Variants in SEL1L2 observed in about 807,000 individuals in gnomAD.
The protein encoded by SEL1L2 is SEL1L2 adaptor subunit of SYVN1 ubiquitin ligase.
A neutral mutation model predicts 98.8 loss-of-function variants in SEL1L2; 89 were observed. The ratio of observed to expected loss-of-function variants is 0.90; its 90% CI spans 0.76 to 1.07. The LOEUF is 1.07. Among genes scored for constraint, SEL1L2 ranks in the 50% least tolerant of loss-of-function variants. SEL1L2 has a pLI of 0.00. For missense variants in SEL1L2, 788 were observed against 812.0 expected (o/e 0.97, Z 0.36); for synonymous variants, 262 against 278.5 (o/e 0.94, Z 0.59).
chr20:13,917,786 C>CTTTTTTTT lies in SEL1L2; in HGVS notation c.386+1227_386+1234dup, dbSNP rs5840588. Reference sequence around the variant, plus strand: ...CCATACTTTCTTTATTTCTTTCTTTCTTTTTTTTTTTTTTTTTTTTTTTTT... The same window carrying CTTTTTTTT: ...CCATACTTTCTTTATTTCTTTCTTTCTTTTTTTTTTTTTTTTTTTTTTTTTTTTTTTTT... On this transcript the variant is annotated intron_variant, in intron 4 of 19. Coordinates refer to ENST00000284951, the MANE Select transcript of SEL1L2 (RefSeq NM_025229.2). Among the ~76,000 whole-genome samples the CTTTTTTTT allele has an allele frequency of 6.9e-3, 344 of 50,116 alleles. 12 individuals are homozygous for CTTTTTTTT. The highest frequency in any genetic ancestry group is 0.042 in the Middle Eastern group (2 of 48). The allele number at this position is 50,116 out of a possible 152,430, so 32.9% of individuals were successfully genotyped here.
At chr20:13,945,148 T>G (rs1464955220) in intron 2 of SEL1L2, among the ~76,000 whole-genome samples, 2 of 152,174 alleles carry the variant, frequency 1.3e-5, no homozygotes, top group African/African-American at 4.8e-5. Context: ...TATGAGGAAG[T>G]GATTTCACAG....
intron 2 of SEL1L2, among the ~76,000 whole-genome samples, chr20:13,935,921 T>C (rs923769936): frequency 6.6e-6 from 1 of 152,140 alleles, no homozygotes; most frequent in Non-Finnish European, 1.5e-5. Flanking sequence ...GTGGTTTGTT[T>C]CTGGAGATAT....
chr20:13,987,329 T>TGTTG (rs1323577580), intron 1 of SEL1L2, among the ~76,000 whole-genome samples: 1 of 120,086 alleles, frequency 8.3e-6, no homozygotes, highest in African/African-American at 3.2e-5. Flanking sequence ...TTTTTTTTTT[T>TGTTG]TTGTTGTTGT....
At chr20:13,918,892 A>G (rs1249822386) in intron 4 of SEL1L2, 129 bp downstream of exon 4, 2 of 631,794 alleles carry the variant, frequency 3.2e-6, no homozygotes, top group Admixed American at 6.3e-5. Context: ...CCTTTTAAAA[A>G]CAATAGTTTA....
At chr20:13,935,931 T>C (rs2049430542) in intron 2 of SEL1L2, among the ~76,000 whole-genome samples, 1 of 152,144 alleles carries the variant, frequency 6.6e-6, no homozygotes, top group African/African-American at 2.4e-5. Flanking sequence ...TCTGGAGATA[T>C]TCCGGAAACA....
intron 1 of SEL1L2, among the ~76,000 whole-genome samples, chr20:13,989,849 G>C (rs2052454891): frequency 6.6e-6 from 1 of 151,972 alleles, no homozygotes; most frequent in East Asian, 1.9e-4. Flanking sequence ...TTGAACCTGG[G>C]CTGTGGCAGT....
At chr20:13,954,257 G>A (rs527875579) in intron 2 of SEL1L2, among the ~76,000 whole-genome samples, 2 of 152,122 alleles carry the variant, frequency 1.3e-5, no homozygotes, top group Non-Finnish European at 2.9e-5. Flanking sequence ...CCTACATTGG[G>A]GGTAGAGATG....
chr20:13,869,365 T>C, intron 14 of SEL1L2, 138 bp downstream of exon 14: 2 of 674,346 alleles, frequency 3.0e-6, no homozygotes, highest in East Asian at 5.4e-5. Flanking sequence ...TTAGGCTTTT[T>C]CAAATTCTTA....
At chr20:13,942,420 G>A (rs1481557098) in intron 2 of SEL1L2, among the ~76,000 whole-genome samples, 4 of 152,082 alleles carry the variant, frequency 2.6e-5, no homozygotes, top group Admixed American at 6.6e-5. Context: ...CTTAAAGTAT[G>A]GTCCCTGAAA....
chr20:13,994,402 A>G (rs914543939), upstream of SEL1L2, among the ~76,000 whole-genome samples: 2 of 151,914 alleles, frequency 1.3e-5, no homozygotes, highest in Non-Finnish European at 2.9e-5. Context: ...ATTCTTTACA[A>G]TTCTTTTTGG....
intron 4 of SEL1L2, among the ~76,000 whole-genome samples, chr20:13,917,151 G>A (rs1011355960): frequency 3.3e-5 from 5 of 152,076 alleles, no homozygotes; most frequent in Non-Finnish European, 7.4e-5. Flanking sequence ...GAAATCTCAG[G>A]GACCAGCCCC....
intron 1 of SEL1L2, among the ~76,000 whole-genome samples, chr20:13,972,356 A>C (rs1400304153): frequency 3.3e-5 from 5 of 152,186 alleles, no homozygotes; most frequent in African/African-American, 1.2e-4. Context: ...AGCTTCATTA[A>C]ATTTATTCCT....
chr20:13,933,700 G>A (rs2049261475), intron 2 of SEL1L2, among the ~76,000 whole-genome samples: 1 of 152,138 alleles, frequency 6.6e-6, no homozygotes, highest in Non-Finnish European at 1.5e-5. Context: ...TCAACATGCG[G>A]ATTCCAAGGT....
intron 5 of SEL1L2, among the ~76,000 whole-genome samples, chr20:13,907,548 A>C (rs1202242428): frequency 6.6e-6 from 1 of 152,146 alleles, no homozygotes; most frequent in African/African-American, 2.4e-5. Flanking sequence ...TAGCCTGGGC[A>C]ATGGAGCAAG....
At chr20:13,934,707 T>C (rs1353785648) in intron 2 of SEL1L2, among the ~76,000 whole-genome samples, 1 of 151,472 alleles carries the variant, frequency 6.6e-6, no homozygotes, top group African/African-American at 2.4e-5. Context: ...TCCACACTGG[T>C]TGTTTTAGTT....
Position 13,849,554 on chromosome 20 carries a change from G to C in SEL1L2, c.1998C>G (p.His666Gln). ...TGAGGCCAATCACAAATAAGTCCCA[G>C]TGTGGTCCAATGGTGTTGTCCAGTT... ...WLKLDNTIGP[H>Q]WDLFVIGLIV... Residue 666 changes from histidine to glutamine, a missense_variant, in exon 20 of 20, where the codon CAC (histidine) becomes CAG (glutamine). Physicochemically the swap from His to Gln is conservative, Grantham distance 24. Coordinates refer to ENST00000284951, the MANE Select transcript of SEL1L2 (RefSeq NM_025229.2). The C allele has an allele frequency of 6.2e-7, 1 of 1,614,036 alleles. No individual in the cohort carries two copies. The highest frequency in any genetic ancestry group is 8.5e-7 in the Non-Finnish European group (1 of 1,179,928).
intron 1 of SEL1L2, among the ~76,000 whole-genome samples, chr20:13,977,386 A>C (rs1163806025): frequency 6.6e-6 from 1 of 152,206 alleles, no homozygotes; most frequent in African/African-American, 2.4e-5. Flanking sequence ...GAGTAATGTC[A>C]CATGGTGCAC....
chr20:13,879,116 A>T (rs543824425), intron 10 of SEL1L2, among the ~76,000 whole-genome samples: 1 of 152,290 alleles, frequency 6.6e-6, no homozygotes, highest in South Asian at 2.1e-4. Flanking sequence ...CAGTATACAG[A>T]GGAGGGCTAA....
At chr20:13,919,855 G>A (rs1046976535) in intron 3 of SEL1L2, among the ~76,000 whole-genome samples, 4 of 151,678 alleles carry the variant, frequency 2.6e-5, no homozygotes, top group Non-Finnish European at 4.4e-5. Flanking sequence ...AACCTGGGAC[G>A]CGGAGGTTGC....
Sources: gnomAD v4.1 joint callset for allele counts (sites outside exome capture counted in the v4.1 genomes callset) on GRCh38, gnomAD v4.1.1 for gene constraint, MANE v1.5 for transcripts, NCBI Gene and HGNC (gene_info 2026-07-23, HGNC 2026-07-21) for gene names.